DIAPH2: variants seen among roughly 807,000 people sequenced by gnomAD.
The protein encoded by DIAPH2 is protein diaphanous homolog 2.
Under a neutral mutation model 92.7 loss-of-function variants are expected in DIAPH2, and 35 were observed. The ratio of observed to expected loss-of-function variants is 0.38; its 90% CI spans 0.29 to 0.50. DIAPH2 has a LOEUF of 0.50. Among genes scored for constraint, DIAPH2 ranks in the 20% least tolerant of loss-of-function variants. The pLI is 0.94. For synonymous variants in DIAPH2, 301 were observed against 280.4 expected, an observed-to-expected ratio of 1.07 and a Z score of -0.73; for missense variants, 701 against 819.5, an observed-to-expected ratio of 0.86 and a Z score of 1.77.
intron 26 of DIAPH2, among the ~76,000 whole-genome samples, chrX:97,594,166 T>TATG (rs781389176): frequency 5.6e-5 from 5 of 88,862 alleles, no homozygotes; most frequent in African/African-American, 7.8e-5. Flanking sequence ...CCAAACTGCA[T>TATG]ATGTAGTTTG....
At chrX:97,060,647 C>T (rs757108959) in intron 17 of DIAPH2, among the ~76,000 whole-genome samples, 14 of 111,126 alleles carry the variant, frequency 1.3e-4, no homozygotes, top group Non-Finnish European at 2.6e-4. Context: ...AGTATAGGAC[C>T]CTCTATTATC....
chrX:97,307,663 C>T (rs2147635559), intron 23 of DIAPH2, among the ~76,000 whole-genome samples: 1 of 110,558 alleles, frequency 9.0e-6, no homozygotes, highest in Non-Finnish European at 1.9e-5. Context: ...AATCCCAGCA[C>T]TTTGGGAGGT....
intron 25 of DIAPH2, among the ~76,000 whole-genome samples, chrX:97,419,965 C>G (rs1479810684): frequency 9.0e-6 from 1 of 111,334 alleles, no homozygotes; most frequent in Non-Finnish European, 1.9e-5. Context: ...TTTCAAAGCT[C>G]TCTTTGAAAT....
intron 26 of DIAPH2, among the ~76,000 whole-genome samples, chrX:97,583,247 G>A (rs150386360): frequency 0.25 from 26,720 of 106,275 alleles, 3,397 homozygotes; most frequent in South Asian, 0.5. Context: ...GAGGAGAGGC[G>A]CTCTGATTTT....
rs192453186 is a variant in DIAPH2, at chrX:97,600,528, G to C, written c.*1211G>C. On this transcript the variant is annotated 3_prime_UTR_variant, in exon 27 of 27. Transcript: ENST00000324765. ...CCTTATATTAACAAATTAAGATGAT[G>C]CTGCCAAAACAAGTCTAGCAGGGAA... The C allele has an allele frequency of 2.7e-5, 3 of 112,312 alleles. No individual in the cohort carries two copies. Among genetic ancestry groups the C allele is most frequent in the African/African-American group, 9.7e-5 (3 of 30,851 alleles). 9.3% of individuals were successfully genotyped at this position (112,312 alleles called of 1,213,427 possible).
chrX:97,488,856 T>C (rs181707267), intron 26 of DIAPH2, among the ~76,000 whole-genome samples: 36 of 112,067 alleles, frequency 3.2e-4, no homozygotes, highest in African/African-American at 1.1e-3. Context: ...TGAAGGTTTG[T>C]AATATATTTT....
chrX:96,949,032 G>A lies in DIAPH2; in HGVS notation c.1607G>A (p.Arg536Gln), dbSNP rs200944548. Reference protein sequence around the residue: ...KELEAEIQQLRTQAQVLSSSS... With the variant: ...KELEAEIQQLQTQAQVLSSSS... ...CTTGAAGCAGAAATCCAGCAACTTC[G>A]AACCCAGGTAATGAAAGAAGATATA... The change falls in exon 15 of 27, where the codon CGA (arginine) becomes CAA (glutamine). Residue 536 changes from arginine to glutamine, a missense_variant. Coordinates refer to ENST00000324765, the MANE Select transcript of DIAPH2 (RefSeq NM_006729.5). 1.7e-4 allele frequency: 197 copies of A among 1,176,077 alleles called. No individual in the cohort carries two copies. The South Asian group carries it at 3.0e-3, about 18-fold the overall frequency.
At chrX:97,507,888 A>G (rs1197423297) in intron 26 of DIAPH2, among the ~76,000 whole-genome samples, 2 of 111,339 alleles carry the variant, frequency 1.8e-5, no homozygotes, top group African/African-American at 6.5e-5. Flanking sequence ...GTGGAAGGGA[A>G]GAAGGGACAA....
chrX:96,689,231 C>A (rs1430951543), intron 1 of DIAPH2, among the ~76,000 whole-genome samples: 1 of 101,460 alleles, frequency 9.9e-6, no homozygotes, highest in African/African-American at 3.7e-5. Flanking sequence ...GGTAGACTTG[C>A]TAGAAAAGAG....
chrX:96,964,907 C>T (rs754559540), intron 16 of DIAPH2, among the ~76,000 whole-genome samples, 186 bp from the exon 17 acceptor site: 2 of 111,428 alleles, frequency 1.8e-5, no homozygotes, highest in East Asian at 2.8e-4. Context: ...TTCACCATTT[C>T]GTCACATAAT....
At chrX:97,138,550 A>C (rs777930197) in intron 21 of DIAPH2, among the ~76,000 whole-genome samples, 11 of 111,900 alleles carry the variant, frequency 9.8e-5, no homozygotes, top group Non-Finnish European at 1.7e-4. Flanking sequence ...ATTGCTGTAT[A>C]TGGTTTATTA....
At chrX:96,856,442 T>G (rs924222179) in intron 4 of DIAPH2, among the ~76,000 whole-genome samples, 3 of 109,677 alleles carry the variant, frequency 2.7e-5, no homozygotes, top group Non-Finnish European at 3.8e-5. Context: ...TTCAAGGTTT[T>G]TTTTTTTTTT....
chrX:97,081,069 T>TTGTTATTTAA (rs2066740340), intron 19 of DIAPH2, among the ~76,000 whole-genome samples: 1 of 112,122 alleles, frequency 8.9e-6, no homozygotes, highest in Non-Finnish European at 1.9e-5. Flanking sequence ...CAACTTGTAT[T>TTGTTATTTAA]CACCATGTTC....
chrX:97,133,655 C>T (rs969374238), intron 21 of DIAPH2, among the ~76,000 whole-genome samples: 8 of 112,061 alleles, frequency 7.1e-5, no homozygotes, highest in Non-Finnish European at 1.1e-4. Context: ...AGCCAAGGTC[C>T]GCTGCTTTGT....
At chrX:96,997,627 T>A (rs2066113537) in intron 17 of DIAPH2, among the ~76,000 whole-genome samples, 1 of 111,539 alleles carries the variant, frequency 9.0e-6, no homozygotes, top group Non-Finnish European at 1.9e-5. Context: ...TATGTCTCAG[T>A]CTCAAAGCTC....
chrX:97,478,650 C>G (rs1376940527), intron 26 of DIAPH2, among the ~76,000 whole-genome samples: 2 of 112,078 alleles, frequency 1.8e-5, no homozygotes, highest in Non-Finnish European at 3.8e-5. Flanking sequence ...AATTTTAAAT[C>G]TTGTACATTT....
At chrX:97,183,200 G>A (rs139308173) in intron 22 of DIAPH2, among the ~76,000 whole-genome samples, 1 of 111,504 alleles carries the variant, frequency 9.0e-6, no homozygotes, top group African/African-American at 3.3e-5. Context: ...TCAGTTTGGG[G>A]TATGCACTTG....
At chrX:96,886,301 AAT>A (rs1337241170) in intron 5 of DIAPH2, among the ~76,000 whole-genome samples, 5 of 109,918 alleles carry the variant, frequency 4.5e-5, no homozygotes, top group Admixed American at 2.0e-4. Context: ...CTTTTTAATG[AAT>A]ATATGTTATA....
At chrX:97,041,342 G>A (rs2066447120) in intron 17 of DIAPH2, among the ~76,000 whole-genome samples, 1 of 111,563 alleles carries the variant, frequency 9.0e-6, no homozygotes, top group Non-Finnish European at 1.9e-5. Context: ...CTTGTGAAGT[G>A]TTTCAATTAA....
Sources: allele counts gnomAD v4.1 joint callset (sites outside exome capture counted in the v4.1 genomes callset), GRCh38; gene constraint gnomAD v4.1.1; transcripts MANE v1.5; gene names NCBI Gene and HGNC (gene_info 2026-07-23, HGNC 2026-07-21).